ACKR2: variants seen among roughly 807,000 people sequenced by gnomAD.
ACKR2 encodes the protein atypical chemokine receptor 2, also known as C-C chemokine receptor D6.
For synonymous variants in ACKR2, 207 were observed against 192.2 expected, an observed-to-expected ratio of 1.08 and a Z score of -0.64; for missense variants, 457 against 477.3, an observed-to-expected ratio of 0.96 and a Z score of 0.40.
At chr3:42,851,918 C>A (rs751730474) in intron 2 of ACKR2, among the ~76,000 whole-genome samples, 1 of 152,188 alleles carries the variant, frequency 6.6e-6, no homozygotes, top group Non-Finnish European at 1.5e-5. Context: ...ATTCTTGGCC[C>A]CCTTCCTTCT....
rs2088442835 is a variant in ACKR2, at chr3:42,867,242, G to T, written c.*1585G>T. On this transcript the variant is annotated 3_prime_UTR_variant, in exon 3 of 3. Transcript: ENST00000422265. ...GGTGGTTGACATCAGTTTTCTTCAGGTTACTTTTTAATAATGATTAAAACG... is the reference window on the plus strand; with the variant it reads ...GGTGGTTGACATCAGTTTTCTTCAGTTTACTTTTTAATAATGATTAAAACG... 1 of 166,944 alleles carries T rather than the reference G, an allele frequency of 6.0e-6. No homozygotes were observed. The highest frequency in any genetic ancestry group is 1.5e-5 in the Non-Finnish European group (1 of 68,108). The allele number at this position is 166,944 out of a possible 1,614,324, so 10.3% of individuals were successfully genotyped here.
In ACKR2 at chr3:42,864,927, A is replaced by G; in HGVS notation, c.425A>G (p.Lys142Arg). The stretch of plus-strand genomic sequence containing the variant: ...TTCATTAGCTGCATGAGCCTGGACA[A>G]GTACCTGGAGATCGTTCATGCTCAG... ...IFFISCMSLDKYLEIVHAQPY... is the reference protein window; with the variant it reads ...IFFISCMSLDRYLEIVHAQPY... Residue 142 changes from lysine to arginine, a missense_variant, in exon 3 of 3, where the codon AAG becomes AGG. By Grantham distance (26) the Lys-to-Arg change is conservative. Coordinates refer to ENST00000422265, the MANE Select transcript of ACKR2 (RefSeq NM_001296.5). The G allele has an allele frequency of 6.2e-7, 1 of 1,614,166 alleles. No homozygotes were observed. Among genetic ancestry groups the G allele is most frequent in the African/African-American group, 1.3e-5 (1 of 75,034 alleles).
In ACKR2 at chr3:42,865,579, G is replaced by T. The variant is rs139012208; in HGVS notation, c.1077G>T (p.Met359Ile). Reference protein sequence around the residue: ...ESSILTAQEEMTGMNDLGERQ... With the variant: ...ESSILTAQEEITGMNDLGERQ... Reference sequence around the variant, plus strand: ...GCATACTTACTGCCCAAGAGGAAATGACTGGCATGAATGACCTTGGAGAGA... The same window carrying T: ...GCATACTTACTGCCCAAGAGGAAATTACTGGCATGAATGACCTTGGAGAGA... Residue 359 changes from methionine (M) to isoleucine (I), a missense_variant, in exon 3 of 3, where the codon ATG becomes ATT. Physicochemically the swap from Met to Ile is conservative, Grantham distance 10. Coordinates refer to ENST00000422265, the MANE Select transcript of ACKR2 (RefSeq NM_001296.5). The T allele has an allele frequency of 6.2e-7, 1 of 1,614,148 alleles. No homozygotes were observed. Among genetic ancestry groups the T allele is most frequent in the Non-Finnish European group, 8.5e-7 (1 of 1,180,032 alleles).
In ACKR2 at chr3:42,822,035, CTT is replaced by C. The variant is rs77034849; in HGVS notation, c.-38+2326_-38+2327del. ...AATCTTCTCTTTCCCCTGTCAGAAT[CTT>C]TATCAATCAAAACTTTTGTTTTGAA... On this transcript the variant is annotated intron_variant, in intron 2 of 2. Transcript: ENST00000422265. Among the ~76,000 whole-genome samples the C allele has an allele frequency of 6.1e-3, 930 of 152,182 alleles. 20 individuals are homozygous for C. The East Asian group carries it at 0.063, about 10-fold the overall frequency.
chr3:42,830,523 A>G (rs1429409420), intron 2 of ACKR2, among the ~76,000 whole-genome samples: 1 of 152,132 alleles, frequency 6.6e-6, no homozygotes, highest in Non-Finnish European at 1.5e-5. Flanking sequence ...CAAATTTGGC[A>G]TATTGAAAAC....
chr3:42,866,558 C>T lies in ACKR2; in HGVS notation c.*901C>T, dbSNP rs1364415483. 1 of 167,084 alleles carries T rather than the reference C, an allele frequency of 6.0e-6. No homozygotes were observed. Among genetic ancestry groups the T allele is most frequent in the Non-Finnish European group, 1.5e-5 (1 of 68,152 alleles). The allele number at this position is 167,084 out of a possible 1,614,324, so 10.4% of individuals were successfully genotyped here. On this transcript the variant is annotated 3_prime_UTR_variant, in exon 3 of 3. Transcript: ENST00000422265. Reference sequence around the variant, plus strand: ...TGCTGTAATAGTTTTCCAACTGGCCCCTGTCCTTCCTCTCTCTTGCTCTCC... The same window carrying T: ...TGCTGTAATAGTTTTCCAACTGGCCTCTGTCCTTCCTCTCTCTTGCTCTCC...
intron 2 of ACKR2, among the ~76,000 whole-genome samples, chr3:42,822,880 C>A (rs1008141702): frequency 3.3e-5 from 5 of 152,042 alleles, no homozygotes; most frequent in African/African-American, 9.7e-5. Flanking sequence ...ATCTGCCCCC[C>A]TTCCCCAGTC....
chr3:42,845,376 T>C (rs1559690199), intron 2 of ACKR2, among the ~76,000 whole-genome samples: 1 of 152,184 alleles, frequency 6.6e-6, no homozygotes, highest in South Asian at 2.1e-4. Context: ...GATTGATTGA[T>C]TGATTGAGAC....
Position 42,865,213 on chromosome 3 carries a change from G to A in ACKR2, c.711G>A (p.Leu237=). The change falls in exon 3 of 3, where the codon TTG becomes TTA. Residue 237 remains leucine, a synonymous_variant. Transcript: ENST00000422265. ...TCTACTCCCGTATTGGTTGTGTCTTGGTGAGGCTGAGGCCCGCAGGCCAGG... is the reference window on the plus strand; with the variant it reads ...TCTACTCCCGTATTGGTTGTGTCTTAGTGAGGCTGAGGCCCGCAGGCCAGG... ...IFFYSRIGCV[L]VRLRPAGQGR... is the part of the protein sequence containing the mutation. The A allele has an allele frequency of 6.2e-7, 1 of 1,614,150 alleles. No individual in the cohort carries two copies. Among genetic ancestry groups the A allele is most frequent in the African/African-American group, 1.3e-5 (1 of 75,028 alleles).
chr3:42,823,580 A>T lies in ACKR2; in HGVS notation c.-38+3869A>T, dbSNP rs543189944. On this transcript the variant is annotated intron_variant, in intron 2 of 2. Coordinates refer to ENST00000422265, the MANE Select transcript of ACKR2 (RefSeq NM_001296.5). ...CATGTCCAATACTCAGTAAGCAAGCAGAACTTACCCTCTTTGGGCTCTCTG... is the reference window on the plus strand; with the variant it reads ...CATGTCCAATACTCAGTAAGCAAGCTGAACTTACCCTCTTTGGGCTCTCTG... Among the ~76,000 whole-genome samples the T allele has an allele frequency of 2.0e-5, 3 of 152,366 alleles. No individual in the cohort carries two copies. The South Asian group carries it at 6.2e-4, about 32-fold the overall frequency.
intron 2 of ACKR2, among the ~76,000 whole-genome samples, chr3:42,857,365 T>C (rs2088331829): frequency 6.6e-6 from 1 of 152,114 alleles, no homozygotes; most frequent in Non-Finnish European, 1.5e-5. Context: ...GGTGGAGTCA[T>C]TCAGTTAGAT....
In ACKR2 at chr3:42,865,125, T is replaced by C; in HGVS notation, c.623T>C (p.Leu208Pro). 6.2e-7 allele frequency: 1 copy of C among 1,614,000 alleles called. No individual in the cohort carries two copies. The highest frequency in any genetic ancestry group is 2.2e-5 in the East Asian group (1 of 44,880). Residue 208 changes from leucine to proline, a missense_variant, in exon 3 of 3, where the codon CTC (leucine) becomes CCC (proline). Leu to Pro is a moderately conservative substitution (Grantham distance 98, BLOSUM62 -3). Transcript: ENST00000422265. Reference sequence around the variant, plus strand: ...GGCGGGCATGGGACCATTTGGAAGCTCTTCCTCCGCTTCCAGCAGAACCTC... The same window carrying C: ...GGCGGGCATGGGACCATTTGGAAGCCCTTCCTCCGCTTCCAGCAGAACCTC... The part of the protein sequence containing the change: ...DFGGHGTIWK[L>P]FLRFQQNLLG...
chr3:42,837,394 T>C (rs757291316), intron 2 of ACKR2, among the ~76,000 whole-genome samples: 6 of 151,964 alleles, frequency 3.9e-5, no homozygotes, highest in Non-Finnish European at 8.8e-5. Context: ...TTTTTGAATA[T>C]ATATATATTT....
At chr3:42,845,430 C>T (rs1057446194) in intron 2 of ACKR2, among the ~76,000 whole-genome samples, 16 of 152,102 alleles carry the variant, frequency 1.1e-4, no homozygotes, top group African/African-American at 3.6e-4. Context: ...GGCATGATCT[C>T]GGCTCACTGT....
At chr3:42,845,780 C>T (rs1436787200) in intron 2 of ACKR2, among the ~76,000 whole-genome samples, 1 of 143,332 alleles carries the variant, frequency 7.0e-6, no homozygotes, top group African/African-American at 2.6e-5. Context: ...ACCTGGAAGG[C>T]GGAGGCTGCA....
intron 2 of ACKR2, among the ~76,000 whole-genome samples, chr3:42,844,534 G>A (rs1320818131): frequency 6.6e-6 from 1 of 152,172 alleles, no homozygotes; most frequent in Non-Finnish European, 1.5e-5. Flanking sequence ...GTTAGCCAGA[G>A]CAAGGCCACA....
At chr3:42,819,601 C>T (rs1035292608) in intron 1 of ACKR2, 30 bp from the exon 2 acceptor site, 4 of 152,422 alleles carry the variant, frequency 2.6e-5, no homozygotes, top group African/African-American at 9.6e-5. Flanking sequence ...GGCAGAACCT[C>T]TATTGTGTCC....
chr3:42,866,563 C>T lies in ACKR2; in HGVS notation c.*906C>T, dbSNP rs2088437406. ...TAATAGTTTTCCAACTGGCCCCTGT[C>T]CTTCCTCTCTCTTGCTCTCCTCCCA... On this transcript the variant is annotated 3_prime_UTR_variant, in exon 3 of 3. Coordinates refer to ENST00000422265, the MANE Select transcript of ACKR2 (RefSeq NM_001296.5). 6.0e-6 allele frequency: 1 copy of T among 167,120 alleles called. No homozygotes were observed. The allele number at this position is 167,120 out of a possible 1,614,324, so 10.4% of individuals were successfully genotyped here. A position where few individuals can be genotyped will look rare whatever the true frequency, so the allele number is the denominator to read the frequency against.
intron 2 of ACKR2, among the ~76,000 whole-genome samples, chr3:42,844,887 T>A (rs527912745): frequency 6.6e-6 from 1 of 152,290 alleles, no homozygotes; most frequent in African/African-American, 2.4e-5. Context: ...ACCTGGTTCT[T>A]GGTGGCACCT....
Sources: allele counts gnomAD v4.1 joint callset (sites outside exome capture counted in the v4.1 genomes callset), GRCh38; gene constraint gnomAD v4.1.1; transcripts MANE v1.5; gene names NCBI Gene and HGNC (gene_info 2026-07-23, HGNC 2026-07-21).